The following BBX variants were observed in gnomAD, a reference collection of about 807,000 sequenced individuals.
BBX encodes the protein BBX high mobility group box domain containing.
BBX carries 30 observed loss-of-function variants against 100.2 expected under a neutral mutation model. That is an observed-to-expected ratio of 0.30 (90% CI 0.22 to 0.41). The LOEUF (loss-of-function observed/expected upper bound fraction) is 0.41, where lower values mean the gene tolerates loss of function less well. Ranked by LOEUF, BBX falls within the 10% of genes least tolerant of loss-of-function variation. BBX has a pLI of 1.00. For missense variants in BBX, 1,023 were observed against 1,129.8 expected (o/e 0.91, Z 1.35); for synonymous variants, 376 against 388.1 (o/e 0.97, Z 0.37).
chr3:107,737,895 T>TTG (rs1290201959), intron 7 of BBX, among the ~76,000 whole-genome samples: 22 of 112,530 alleles, frequency 2.0e-4, no homozygotes, highest in Non-Finnish European at 4.6e-4. Flanking sequence ...TTTTTTTTTT[T>TTG]TTTTTTTTTT....
intron 2 of BBX, among the ~76,000 whole-genome samples, chr3:107,573,592 G>C (rs1207217599): frequency 6.6e-6 from 1 of 152,140 alleles, no homozygotes; most frequent in African/African-American, 2.4e-5. Context: ...AACAGTGTTT[G>C]TTAACATGTT....
chr3:107,617,216 T>C (rs1440955356), intron 2 of BBX, among the ~76,000 whole-genome samples: 2 of 152,148 alleles, frequency 1.3e-5, no homozygotes, highest in Non-Finnish European at 2.9e-5. Context: ...TGGGTTTCTT[T>C]ATGGGTTCTC....
chr3:107,570,908 G>A (rs992076375), intron 2 of BBX, among the ~76,000 whole-genome samples: 2 of 152,100 alleles, frequency 1.3e-5, no homozygotes, highest in African/African-American at 2.4e-5. Flanking sequence ...ATGCCTGGAC[G>A]TCAGGCACCT....
chr3:107,628,386 GAAAA>G (rs900762558), intron 2 of BBX, among the ~76,000 whole-genome samples: 40 of 147,994 alleles, frequency 2.7e-4, no homozygotes, highest in African/African-American at 9.4e-4. Flanking sequence ...TTATTGAAAT[GAAAA>G]AAAAACATAT....
intron 9 of BBX, among the ~76,000 whole-genome samples, chr3:107,753,269 T>A (rs1415065217): frequency 6.6e-6 from 1 of 152,170 alleles, no homozygotes; most frequent in Non-Finnish European, 1.5e-5. Flanking sequence ...TTTTCCACCC[T>A]TCCTTCCCTC....
chr3:107,606,248 C>A (rs1370415268), intron 2 of BBX, among the ~76,000 whole-genome samples: 1 of 152,158 alleles, frequency 6.6e-6, no homozygotes, highest in Non-Finnish European at 1.5e-5. Context: ...TATGGTAAGA[C>A]CCACGGTCAG....
intron 17 of BBX, among the ~76,000 whole-genome samples, chr3:107,801,519 G>T (rs781527209): frequency 8.5e-5 from 13 of 152,142 alleles, no homozygotes; most frequent in Non-Finnish European, 1.6e-4. Flanking sequence ...CTTCATTTCC[G>T]TAAAAAGCCT....
chr3:107,600,147 G>A (rs2053965291), intron 2 of BBX, among the ~76,000 whole-genome samples: 1 of 152,184 alleles, frequency 6.6e-6, no homozygotes, highest in African/African-American at 2.4e-5. Flanking sequence ...ATTAAGGCCA[G>A]AAGCCTTTTG....
intron 2 of BBX, among the ~76,000 whole-genome samples, chr3:107,642,335 T>C (rs1405860941): frequency 1.3e-5 from 2 of 152,182 alleles, no homozygotes; most frequent in Non-Finnish European, 2.9e-5. Context: ...GTATATAAAA[T>C]AATGAGTCAA....
chr3:107,775,738 A>G (rs2067274749), intron 12 of BBX, among the ~76,000 whole-genome samples: 1 of 152,096 alleles, frequency 6.6e-6, no homozygotes, highest in Non-Finnish European at 1.5e-5. Flanking sequence ...GGAATAATAT[A>G]TTTTTCCTTA....
At chr3:107,761,633 C>T (rs1202912851) in intron 10 of BBX, among the ~76,000 whole-genome samples, 2 of 152,096 alleles carry the variant, frequency 1.3e-5, no homozygotes, top group Non-Finnish European at 2.9e-5. Context: ...AACCCTGCTT[C>T]GGGAAGGCTG....
chr3:107,733,080 T>C, intron 7 of BBX, 57 bp downstream of exon 7: 8 of 1,469,886 alleles, frequency 5.4e-6, no homozygotes, highest in Non-Finnish European at 7.6e-6. Flanking sequence ...GGAACACAGT[T>C]ATAGTCTGTT....
intron 3 of BBX, among the ~76,000 whole-genome samples, chr3:107,696,335 C>G (rs2060597643): frequency 1.3e-5 from 2 of 151,716 alleles, no homozygotes; most frequent in South Asian, 4.2e-4. Flanking sequence ...GTGGCTGGTA[C>G]CGGTTGTTCC....
intron 13 of BBX, among the ~76,000 whole-genome samples, chr3:107,789,451 A>G (rs2068761039): frequency 1.3e-5 from 2 of 152,280 alleles, no homozygotes; most frequent in East Asian, 1.9e-4. Context: ...TTAGGAGTCT[A>G]AAGTAAAATC....
intron 2 of BBX, among the ~76,000 whole-genome samples, chr3:107,623,964 C>T (rs1441686304): frequency 6.6e-6 from 1 of 152,128 alleles, no homozygotes; most frequent in Non-Finnish European, 1.5e-5. Context: ...ACTTTTAAAA[C>T]TCAAATGTGG....
intron 3 of BBX, among the ~76,000 whole-genome samples, chr3:107,663,373 G>T (rs1387939104): frequency 6.6e-6 from 1 of 152,012 alleles, no homozygotes; most frequent in East Asian, 1.9e-4. Flanking sequence ...TTTATACTAT[G>T]TAGATAAGGT....
At chr3:107,786,640 TA>T (rs951531337) in intron 13 of BBX, among the ~76,000 whole-genome samples, 1 of 152,176 alleles carries the variant, frequency 6.6e-6, no homozygotes, top group African/African-American at 2.4e-5. Flanking sequence ...GTACAAAATT[TA>T]ACTTAGAATA....
chr3:107,670,583 AAG>A (rs1424342045), intron 3 of BBX, among the ~76,000 whole-genome samples: 4 of 152,144 alleles, frequency 2.6e-5, no homozygotes, highest in African/African-American at 9.6e-5. Context: ...AAATTTCAAA[AAG>A]AATAAAAATT....
intron 3 of BBX, among the ~76,000 whole-genome samples, chr3:107,662,101 A>G (rs550164573): frequency 1.6e-4 from 24 of 152,366 alleles, no homozygotes; most frequent in African/African-American, 5.3e-4. Flanking sequence ...GCAAATGAAA[A>G]AAACAATGAC....
Sources: allele counts gnomAD v4.1 joint callset (sites outside exome capture counted in the v4.1 genomes callset), GRCh38; gene constraint gnomAD v4.1.1; transcripts MANE v1.5; gene names NCBI Gene and HGNC (gene_info 2026-07-23, HGNC 2026-07-21).